The following SLC1A2 variants were observed in gnomAD, a reference collection of about 807,000 sequenced individuals.
The protein encoded by SLC1A2 is excitatory amino acid transporter 2.
A neutral mutation model predicts 48.8 loss-of-function variants in SLC1A2; 15 were observed. The observed-to-expected ratio is 0.31, with a 90% CI of 0.21 to 0.47. The LOEUF is 0.47. Ranked by LOEUF, SLC1A2 falls within the 20% of genes least tolerant of loss-of-function variation. SLC1A2 has a pLI of 0.99. For synonymous variants in SLC1A2, 279 were observed against 272.6 expected, an observed-to-expected ratio of 1.02 and a Z score of -0.23; for missense variants, 502 against 730.5, an observed-to-expected ratio of 0.69 and a Z score of 3.61.
intron 1 of SLC1A2, among the ~76,000 whole-genome samples, chr11:35,356,166 G>A (rs1853453055): frequency 6.6e-6 from 1 of 152,210 alleles, no homozygotes; most frequent in Admixed American, 6.5e-5. Context: ...TACACTTTGA[G>A]AGTTCCTGAA....
intron 1 of SLC1A2, chr11:35,323,234 A>G: frequency 5.8e-6 from 1 of 172,100 alleles, no homozygotes; most frequent in South Asian, 1.3e-4. Flanking sequence ...GTGTATAGCT[A>G]TCCTGAATCA....
chr11:35,368,291 AG>A (rs1853929973), intron 1 of SLC1A2, among the ~76,000 whole-genome samples: 2 of 152,234 alleles, frequency 1.3e-5, no homozygotes, highest in South Asian at 4.1e-4. Flanking sequence ...CAGAATTTAC[AG>A]CTTGTCAGCT....
chr11:35,360,187 G>A (rs1003430221), intron 1 of SLC1A2: 10 of 522,082 alleles, frequency 1.9e-5, no homozygotes, highest in East Asian at 1.5e-4. Context: ...TGACAAAGAC[G>A]TCACAAACTG....
At chr11:35,380,306 T>C (rs764362955) in intron 1 of SLC1A2, 4 of 398,438 alleles carry the variant, frequency 1.0e-5, no homozygotes, top group Non-Finnish European at 8.8e-6. Context: ...AAAGATTCCA[T>C]GGAAAAGGCC....
At chr11:35,324,130 G>C (rs1291122293) in intron 1 of SLC1A2, among the ~76,000 whole-genome samples, 1 of 152,226 alleles carries the variant, frequency 6.6e-6, no homozygotes. Flanking sequence ...TGCTTCCTAA[G>C]CACAGTGGCC....
At chr11:35,338,651 A>C (rs1590203955) in intron 1 of SLC1A2, among the ~76,000 whole-genome samples, 1 of 152,140 alleles carries the variant, frequency 6.6e-6, no homozygotes. Context: ...GAGGACAAGG[A>C]GATATGGAAA....
chr11:35,306,005 TG>T, intron 5 of SLC1A2, 68 bp downstream of exon 5: 1 of 1,460,336 alleles, frequency 6.8e-7, no homozygotes, highest in Non-Finnish European at 9.5e-7. Flanking sequence ...ATCAGTTTTC[TG>T]AAAAGGGAGT....
chr11:35,365,415 C>A (rs1008476842), intron 1 of SLC1A2, among the ~76,000 whole-genome samples: 1 of 152,156 alleles, frequency 6.6e-6, no homozygotes, highest in Non-Finnish European at 1.5e-5. Flanking sequence ...TCCCAAGTCT[C>A]CACAATCACC....
chr11:35,318,063 A>T (rs545463384), intron 1 of SLC1A2, among the ~76,000 whole-genome samples: 17 of 152,328 alleles, frequency 1.1e-4, no homozygotes, highest in Middle Eastern at 3.4e-3. Flanking sequence ...TCTAGTAAAA[A>T]AATAATAATA....
intron 9 of SLC1A2, among the ~76,000 whole-genome samples, chr11:35,266,526 A>C (rs1213869264): frequency 6.6e-5 from 10 of 152,242 alleles, no homozygotes; most frequent in Non-Finnish European, 1.3e-4. Flanking sequence ...TGACTTGAAA[A>C]AAGAATGGTT....
At chr11:35,400,041 T>C (rs1464298666) in intron 1 of SLC1A2, among the ~76,000 whole-genome samples, 33 of 152,118 alleles carry the variant, frequency 2.2e-4, no homozygotes, top group Non-Finnish European at 2.9e-5. Flanking sequence ...GTAAGAGACA[T>C]AGCGGTAAGG....
chr11:35,416,337 C>T (rs1855602812), intron 1 of SLC1A2, among the ~76,000 whole-genome samples: 1 of 152,202 alleles, frequency 6.6e-6, no homozygotes, highest in Non-Finnish European at 1.5e-5. Context: ...CAAAGCTTTG[C>T]CAAGTCTTGG....
At chr11:35,358,429 A>C (rs1853560177) in intron 1 of SLC1A2, among the ~76,000 whole-genome samples, 1 of 152,218 alleles carries the variant, frequency 6.6e-6, no homozygotes, top group South Asian at 2.1e-4. Flanking sequence ...CATTTTAAAC[A>C]GGAGAAATAG....
intron 1 of SLC1A2, among the ~76,000 whole-genome samples, chr11:35,366,235 T>C (rs1002866547): frequency 4.6e-5 from 7 of 152,310 alleles, no homozygotes; most frequent in Admixed American, 4.6e-4. Flanking sequence ...GTGAATTCCT[T>C]TGGATAAAGA....
chr11:35,284,112 A>ATATATATATATATATATAT lies in SLC1A2; in HGVS notation c.1286+2644_1286+2645insATATATATATATATATATA, dbSNP rs1355573961. Among the ~76,000 whole-genome samples, 103 of 91,344 alleles carry ATATATATATATATATATAT rather than the reference A, an allele frequency of 1.1e-3. 2 individuals carry two copies. Among genetic ancestry groups the ATATATATATATATATATAT allele is most frequent in the Admixed American group, 1.7e-3 (14 of 8,320 alleles). The allele number at this position is 91,344 out of a possible 152,430, so 59.9% of individuals were successfully genotyped here. A position where few individuals can be genotyped will look rare whatever the true frequency, so the allele number is the denominator to read the frequency against. ...TTATATATATATATATATATATATA[A>ATATATATATATATATATAT]ATTATTATTTTGCAACCCAACAGTA... On this transcript the variant is annotated intron_variant, in intron 8 of 10. Transcript: ENST00000278379.
At position 35,419,028 on chromosome 11, in the gene SLC1A2, G is replaced by C; in HGVS notation, c.-62C>G. 6.8e-7 allele frequency: 1 copy of C among 1,480,894 alleles called. No individual in the cohort carries two copies. Among genetic ancestry groups the C allele is most frequent in the Non-Finnish European group, 9.2e-7 (1 of 1,090,884 alleles). 91.7% of individuals were successfully genotyped at this position (1,480,894 alleles called of 1,614,324 possible). On this transcript the variant is annotated 5_prime_UTR_variant, in exon 1 of 11. Transcript: ENST00000278379. This position sits in a 1 kb window ranked among gnomAD's most constrained non-coding sequence, Gnocchi z 5.4. Reference sequence around the variant, plus strand: ...GGCAGCTGTGGGCGAGGGAGAAAGCGGACGCCGGGGTGAGCGCGAAGTGCG... The same window carrying C: ...GGCAGCTGTGGGCGAGGGAGAAAGCCGACGCCGGGGTGAGCGCGAAGTGCG...
At chr11:35,395,687 T>A (rs893039558) in intron 1 of SLC1A2, among the ~76,000 whole-genome samples, 48 of 148,534 alleles carry the variant, frequency 3.2e-4, no homozygotes, top group South Asian at 6.4e-4. Context: ...TTTTTTTTTT[T>A]AATTATACTT....
At chr11:35,284,872 AGCCTGAGCAT>A (rs1850761214) in intron 8 of SLC1A2, among the ~76,000 whole-genome samples, 1 of 152,216 alleles carries the variant, frequency 6.6e-6, no homozygotes, top group Non-Finnish European at 1.5e-5. Context: ...ACTTTTAAAA[AGCCTGAGCAT>A]GTAGAGACAT....
At chr11:35,368,983 C>A (rs1025074808) in intron 1 of SLC1A2, among the ~76,000 whole-genome samples, 1 of 152,190 alleles carries the variant, frequency 6.6e-6, no homozygotes, top group Non-Finnish European at 1.5e-5. Context: ...TTTTAATGTT[C>A]CATTTCTACA....
Sources: allele counts gnomAD v4.1 joint callset (sites outside exome capture counted in the v4.1 genomes callset), GRCh38; gene constraint gnomAD v4.1.1; non-coding constraint Gnocchi (gnomAD v3.1); transcripts MANE v1.5; gene names NCBI Gene and HGNC (gene_info 2026-07-23, HGNC 2026-07-21).